Variants in UNC13B observed in about 807,000 individuals in gnomAD.
UNC13B encodes unc-13 homolog B.
UNC13B carries 144 observed loss-of-function variants against 211.0 expected under a neutral mutation model. The observed-to-expected ratio is 0.68, with a 90% CI of 0.60 to 0.78. The LOEUF (loss-of-function observed/expected upper bound fraction) is 0.78, where lower values mean the gene tolerates loss of function less well. Among genes scored for constraint, UNC13B ranks in the 30% least tolerant of loss-of-function variants. UNC13B has a pLI of 0.00. For missense variants in UNC13B, 1,777 were observed against 2,002.0 expected (o/e 0.89, Z 2.14); for synonymous variants, 709 against 725.8 (o/e 0.98, Z 0.37).
At chr9:35,267,557 T>C (rs1233573993) in intron 7 of UNC13B, among the ~76,000 whole-genome samples, 1 of 152,200 alleles carries the variant, frequency 6.6e-6, no homozygotes, top group African/African-American at 2.4e-5. Flanking sequence ...GGGCAAGACT[T>C]AGGTTGAGAC....
chr9:35,298,108 T>C (rs1829488723), intron 8 of UNC13B, among the ~76,000 whole-genome samples: 1 of 152,210 alleles, frequency 6.6e-6, no homozygotes, highest in South Asian at 2.1e-4. Flanking sequence ...ATTTAGCTTA[T>C]CCTTTTAGTT....
intron 7 of UNC13B, among the ~76,000 whole-genome samples, chr9:35,286,910 A>G (rs1828829380): frequency 6.6e-6 from 1 of 151,894 alleles, no homozygotes; most frequent in African/African-American, 2.4e-5. Flanking sequence ...CTGTTCAACT[A>G]TGTCCTTTGT....
At chr9:35,204,422 T>C (rs1823523767) in intron 1 of UNC13B, among the ~76,000 whole-genome samples, 1 of 152,118 alleles carries the variant, frequency 6.6e-6, no homozygotes, top group Admixed American at 6.5e-5. Flanking sequence ...CCTAGAATGG[T>C]AGATCCATTG....
At chr9:35,326,839 GCAAAA>G (rs988201463) in intron 11 of UNC13B, among the ~76,000 whole-genome samples, 1 of 152,128 alleles carries the variant, frequency 6.6e-6, no homozygotes, top group Non-Finnish European at 1.5e-5. Context: ...ACCACAGAAA[GCAAAA>G]CAGTGGCTAA....
At chr9:35,242,401 C>T (rs563723674) in intron 5 of UNC13B, among the ~76,000 whole-genome samples, 14 of 152,246 alleles carry the variant, frequency 9.2e-5, no homozygotes, top group Admixed American at 8.5e-4. Context: ...AGAACTTTTT[C>T]ACCTTGCAAA....
intron 11 of UNC13B, among the ~76,000 whole-genome samples, chr9:35,315,046 T>C (rs925585125): frequency 6.9e-6 from 1 of 144,592 alleles, no homozygotes; most frequent in Admixed American, 6.9e-5. Context: ...CTGGCTAATT[T>C]AAAAAAAATT....
intron 11 of UNC13B, among the ~76,000 whole-genome samples, chr9:35,314,981 A>G (rs945767456): frequency 4.1e-5 from 6 of 146,050 alleles, no homozygotes; most frequent in African/African-American, 1.5e-4. Context: ...GGCTCAAGCA[A>G]TCCTCCTACC....
At chr9:35,294,495 G>T (rs1829253689) in intron 7 of UNC13B, among the ~76,000 whole-genome samples, 1 of 152,068 alleles carries the variant, frequency 6.6e-6, no homozygotes, top group Non-Finnish European at 1.5e-5. Flanking sequence ...TTATAGAGAT[G>T]GGGTTCCACC....
At chr9:35,252,558 C>T (rs1274068145) in intron 6 of UNC13B, among the ~76,000 whole-genome samples, 9 of 151,704 alleles carry the variant, frequency 5.9e-5, no homozygotes, top group African/African-American at 1.7e-4. Context: ...CTGCCCACCT[C>T]GGCCTCCCAA....
At chr9:35,343,941 G>T (rs906275441) in intron 11 of UNC13B, among the ~76,000 whole-genome samples, 1 of 151,068 alleles carries the variant, frequency 6.6e-6, no homozygotes, top group Non-Finnish European at 1.5e-5. Flanking sequence ...TAATACTTTG[G>T]CTATTGGGTT....
Position 35,303,226 on chromosome 9 carries a change from A to C in UNC13B, c.3822A>C (p.Thr1274=). 2.5e-6 allele frequency: 1 copy of C among 398,718 alleles called. No homozygotes were observed. The allele number at this position is 398,718 out of a possible 1,614,324, so 24.7% of individuals were successfully genotyped here. ...ATGATAATCATTATTGTTCCCCTAC[A>C]GAGAAAAACCAGCAAAGTGAAAAGC... The part of the protein sequence containing the change: ...AGDDNHYCSP[T]EKNQQSEKHH... Residue 1274 remains threonine, a synonymous_variant, in exon 9 of 40, where the codon ACA becomes ACC. Transcript: ENST00000635942.
chr9:35,337,002 C>T (rs948831881), intron 11 of UNC13B, among the ~76,000 whole-genome samples: 1 of 152,026 alleles, frequency 6.6e-6, no homozygotes, highest in Non-Finnish European at 1.5e-5. Flanking sequence ...AAGGGGTTTG[C>T]TTTGACTAAA....
chr9:35,400,474 T>C (rs1836226229), intron 37 of UNC13B, 31 bp downstream of exon 37: 2 of 1,601,726 alleles, frequency 1.2e-6, no homozygotes, highest in African/African-American at 2.7e-5. Context: ...GGTATCCACC[T>C]CTCCTCTCTG....
intron 11 of UNC13B, chr9:35,364,641 G>A: frequency 6.9e-7 from 1 of 1,442,768 alleles, no homozygotes. Context: ...CTGTATGTGT[G>A]TGTGTATGTG....
At position 35,319,704 on chromosome 9, in the gene UNC13B, A is replaced by G. The variant is rs1301889961; in HGVS notation, c.9414+5715A>G. Reference sequence around the variant, plus strand: ...GAGATGGGGTCTCACTCTGTCACCCAGGCTGGAGTGCACGGGCATGATCAC... The same window carrying G: ...GAGATGGGGTCTCACTCTGTCACCCGGGCTGGAGTGCACGGGCATGATCAC... On this transcript the variant is annotated intron_variant, in intron 11 of 39. Coordinates refer to ENST00000635942, the MANE Select transcript of UNC13B (RefSeq NM_001371189.2). Among the ~76,000 whole-genome samples the G allele has an allele frequency of 5.9e-5, 9 of 151,992 alleles. No individual in the cohort carries two copies. The East Asian group carries it at 1.7e-3, about 29-fold the overall frequency.
intron 7 of UNC13B, among the ~76,000 whole-genome samples, chr9:35,271,137 T>TC (rs1554694921): frequency 2.3e-5 from 2 of 88,410 alleles, no homozygotes; most frequent in Admixed American, 1.2e-4. Flanking sequence ...AGACTCCATT[T>TC]CAAAAAAAAA....
At position 35,169,329 on chromosome 9, in the gene UNC13B, G is replaced by A. The variant is rs1244005738; in HGVS notation, c.22+7024G>A. 3.3e-5 allele frequency among the ~76,000 whole-genome samples: 5 copies of A among 152,186 alleles called. No homozygotes were observed. The East Asian group carries it at 9.6e-4, about 29-fold the overall frequency. ...TGTTCATGCCACTGCATTCTAGCCTGGGTAACAGAGCCATCTCAAAAAGTT... is the reference window on the plus strand; with the variant it reads ...TGTTCATGCCACTGCATTCTAGCCTAGGTAACAGAGCCATCTCAAAAAGTT... On this transcript the variant is annotated intron_variant, in intron 1 of 39. Coordinates refer to ENST00000635942, the MANE Select transcript of UNC13B (RefSeq NM_001371189.2).
rs545512121 is a variant in UNC13B, at chr9:35,201,832, A to G, written c.23-26183A>G. Reference sequence around the variant, plus strand: ...TTTTTGAAGGGTTTTTTGTGTCTCTATCTCCTTCAGTTCTGCTCTGATCTT... The same window carrying G: ...TTTTTGAAGGGTTTTTTGTGTCTCTGTCTCCTTCAGTTCTGCTCTGATCTT... On this transcript the variant is annotated intron_variant, in intron 1 of 39. Transcript: ENST00000635942. 4.0e-5 allele frequency among the ~76,000 whole-genome samples: 6 copies of G among 151,228 alleles called. No individual in the cohort carries two copies. In the East Asian group the frequency reaches 7.8e-4, roughly 20 times the overall value.
chr9:35,184,757 A>AAAGAAAGG (rs1554683528), intron 1 of UNC13B, among the ~76,000 whole-genome samples: 5 of 107,132 alleles, frequency 4.7e-5, no homozygotes, highest in East Asian at 2.8e-4. Flanking sequence ...AGAAAGAAAG[A>AAAGAAAGG]AAGGAAGGAA....
Sources: gnomAD v4.1 joint callset for allele counts (sites outside exome capture counted in the v4.1 genomes callset) on GRCh38, gnomAD v4.1.1 for gene constraint, MANE v1.5 for transcripts, NCBI Gene and HGNC (gene_info 2026-07-23, HGNC 2026-07-21) for gene names.